FLT1: variants seen among roughly 807,000 people sequenced by gnomAD.
The protein encoded by FLT1 is vascular endothelial growth factor receptor 1.
A neutral mutation model predicts 156.3 loss-of-function variants in FLT1; 49 were observed. The ratio of observed to expected loss-of-function variants is 0.31; its 90% CI spans 0.25 to 0.40. The LOEUF (loss-of-function observed/expected upper bound fraction) is 0.40, where lower values mean the gene tolerates loss of function less well. Among genes scored for constraint, FLT1 ranks in the 10% least tolerant of loss-of-function variants. The pLI is 1.00. For synonymous variants in FLT1, 594 were observed against 583.8 expected, an observed-to-expected ratio of 1.02 and a Z score of -0.25; for missense variants, 1,322 against 1,637.2, an observed-to-expected ratio of 0.81 and a Z score of 3.32.
chr13:28,312,790 A>G lies in FLT1; in HGVS notation c.3387-692T>C, dbSNP rs9554320. On this transcript the variant is annotated intron_variant, in intron 25 of 29. Coordinates refer to ENST00000282397, the MANE Select transcript of FLT1 (RefSeq NM_002019.4). ...TGTGTGTAGCTGATCATTCTCCCCCAGCACTGCAAAGCCGCTGTTACAAAC... is the reference window on the plus strand; with the variant it reads ...TGTGTGTAGCTGATCATTCTCCCCCGGCACTGCAAAGCCGCTGTTACAAAC... Among the ~76,000 whole-genome samples, 4 of 151,804 alleles carry G rather than the reference A, an allele frequency of 2.6e-5. No homozygotes were observed. The East Asian group carries it at 5.9e-4, about 22-fold the overall frequency.
At chr13:28,315,343 T>C (rs1300316194) in intron 25 of FLT1, among the ~76,000 whole-genome samples, 1 of 152,180 alleles carries the variant, frequency 6.6e-6, no homozygotes, top group Non-Finnish European at 1.5e-5. Flanking sequence ...TCACTTGAGC[T>C]CAGGAGTTCG....
chr13:28,477,484 G>A (rs7337866), intron 1 of FLT1, among the ~76,000 whole-genome samples: 9,222 of 152,286 alleles, frequency 0.061, 897 homozygotes, highest in African/African-American at 0.2. Context: ...TGTCATGAAA[G>A]TTATCTGAGC....
At position 28,303,405 on chromosome 13, in the gene FLT1, T is replaced by C. The variant is rs371128203; in HGVS notation, c.3816-37A>G. ...AAGGAAAGAAATCAAATATTCAAAATTGGTTTTTTAGAAAACAAAGACACT... is the reference window on the plus strand; with the variant it reads ...AAGGAAAGAAATCAAATATTCAAAACTGGTTTTTTAGAAAACAAAGACACT... On this transcript the variant is annotated intron_variant, in intron 29 of 29. Transcript: ENST00000282397. 4 of 1,596,800 alleles carry C rather than the reference T, an allele frequency of 2.5e-6. No individual in the cohort carries two copies. The African/African-American group carries it at 4.0e-5, about 16-fold the overall frequency.
chr13:28,423,263 G>A (rs8002446), intron 10 of FLT1, among the ~76,000 whole-genome samples: 113,130 of 151,976 alleles, frequency 0.74, 42,231 homozygotes, highest in Non-Finnish European at 0.75. Flanking sequence ...CAGGCCACAC[G>A]AACTGGGAGA....
In FLT1 at chr13:28,364,164, A is replaced by G. The variant is rs140989309; in HGVS notation, c.2117-6479T>C. 3.7e-3 allele frequency among the ~76,000 whole-genome samples: 567 copies of G among 152,262 alleles called. 4 individuals are homozygous for G. The highest frequency in any genetic ancestry group is 0.013 in the African/African-American group (546 of 41,568). Reference sequence around the variant, plus strand: ...CTTAATACGTTTCAAGTCTTCCTTCATTGTATGAACAGTCTTTTAAATTTC... The same window carrying G: ...CTTAATACGTTTCAAGTCTTCCTTCGTTGTATGAACAGTCTTTTAAATTTC... On this transcript the variant is annotated intron_variant, in intron 14 of 29. Coordinates refer to ENST00000282397, the MANE Select transcript of FLT1 (RefSeq NM_002019.4).
chr13:28,330,246 T>A (rs1337000647), intron 18 of FLT1, among the ~76,000 whole-genome samples: 1 of 152,238 alleles, frequency 6.6e-6, no homozygotes, highest in Non-Finnish European at 1.5e-5. Flanking sequence ...TTCACAGGGT[T>A]ATCTTGGGTT....
intron 10 of FLT1, among the ~76,000 whole-genome samples, chr13:28,423,212 C>T (rs1438356303): frequency 1.3e-5 from 2 of 152,168 alleles, no homozygotes; most frequent in Non-Finnish European, 2.9e-5. Flanking sequence ...ACCCACAGGG[C>T]AGAACCACTT....
intron 29 of FLT1, among the ~76,000 whole-genome samples, chr13:28,305,242 T>C (rs974957953): frequency 6.6e-6 from 1 of 152,132 alleles, no homozygotes; most frequent in African/African-American, 2.4e-5. Flanking sequence ...GTAATTTCTT[T>C]CCCTTTTTTC....
chr13:28,307,960 G>A (rs906474575), intron 28 of FLT1, among the ~76,000 whole-genome samples: 1 of 152,168 alleles, frequency 6.6e-6, no homozygotes, highest in Non-Finnish European at 1.5e-5. Context: ...TTTTAGTAGA[G>A]ACTGGGTTTC....
chr13:28,319,629 G>GT, intron 23 of FLT1, 95 bp from the exon 24 acceptor site: 1 of 737,244 alleles, frequency 1.4e-6, no homozygotes, highest in South Asian at 1.5e-5. Flanking sequence ...ATAACATACG[G>GT]CCTATAAATC....
chr13:28,303,500 C>G (rs1430042356), intron 29 of FLT1, 132 bp from the exon 30 acceptor site: 3 of 785,656 alleles, frequency 3.8e-6, no homozygotes, highest in African/African-American at 3.4e-5. Context: ...GAACCCCCCC[C>G]CCCTCAATTG....
intron 3 of FLT1, among the ~76,000 whole-genome samples, chr13:28,447,462 C>T (rs1477076229): frequency 1.3e-5 from 2 of 152,020 alleles, no homozygotes; most frequent in East Asian, 3.9e-4. Context: ...GCTGGGATTG[C>T]AGGCATGAGC....
intron 28 of FLT1, among the ~76,000 whole-genome samples, chr13:28,307,204 C>T (rs747849370): frequency 3.2e-4 from 48 of 152,202 alleles, no homozygotes; most frequent in Middle Eastern, 3.4e-3. Flanking sequence ...TTCTTGAACT[C>T]AATGGAATTC....
rs1473091385 is a variant in FLT1 at position 28,302,859 on chromosome 13, T to C, written c.*308A>G. ...GATCAGTGCAGCTCCTCAATCAAACTGGTCCTGCGTGCCCTGAGGTGGCGG... is the reference window on the plus strand; with the variant it reads ...GATCAGTGCAGCTCCTCAATCAAACCGGTCCTGCGTGCCCTGAGGTGGCGG... On this transcript the variant is annotated 3_prime_UTR_variant, in exon 30 of 30. Transcript: ENST00000282397. 8 of 444,814 alleles carry C rather than the reference T, an allele frequency of 1.8e-5. No individual in the cohort carries two copies. In the East Asian group the frequency reaches 2.8e-4, roughly 15 times the overall value. The allele number at this position is 444,814 out of a possible 1,614,324, so 27.6% of individuals were successfully genotyped here.
chr13:28,431,790 C>T lies in FLT1; in HGVS notation c.814-480G>A, dbSNP rs1421708149. On this transcript the variant is annotated intron_variant, in intron 6 of 29. Coordinates refer to ENST00000282397, the MANE Select transcript of FLT1 (RefSeq NM_002019.4). ...ATCATAAGCCTTAGTTAGTGTCTGGCTTAATGACAGTGCTTCTCTCACCAA... is the reference window on the plus strand; with the variant it reads ...ATCATAAGCCTTAGTTAGTGTCTGGTTTAATGACAGTGCTTCTCTCACCAA... Among the ~76,000 whole-genome samples, 7 of 152,160 alleles carry T rather than the reference C, an allele frequency of 4.6e-5. No homozygotes were observed. In the South Asian group the frequency reaches 1.0e-3, roughly 23 times the overall value.
At chr13:28,384,598 C>A (rs1874243586) in intron 14 of FLT1, among the ~76,000 whole-genome samples, 1 of 152,156 alleles carries the variant, frequency 6.6e-6, no homozygotes, top group Non-Finnish European at 1.5e-5. Context: ...TGAACTGAAT[C>A]ATTTTCTACA....
chr13:28,425,700 T>A (rs910795454), intron 10 of FLT1, among the ~76,000 whole-genome samples: 3 of 152,212 alleles, frequency 2.0e-5, no homozygotes, highest in Non-Finnish European at 4.4e-5. Flanking sequence ...TCTACACTTT[T>A]ATCCGAATCT....
intron 1 of FLT1, among the ~76,000 whole-genome samples, chr13:28,487,269 CT>C (rs1390534746): frequency 1.3e-5 from 2 of 152,244 alleles, no homozygotes; most frequent in Admixed American, 6.5e-5. Context: ...GAGGCAAAGG[CT>C]TTCATAGACA....
intron 14 of FLT1, among the ~76,000 whole-genome samples, chr13:28,378,110 G>A (rs533802436): frequency 2.0e-5 from 3 of 149,998 alleles, no homozygotes; most frequent in East Asian, 3.9e-4. Flanking sequence ...GTGCAGTGGC[G>A]TGATCTCGGC....
Sources: allele counts gnomAD v4.1 joint callset (sites outside exome capture counted in the v4.1 genomes callset), GRCh38; gene constraint gnomAD v4.1.1; transcripts MANE v1.5; gene names NCBI Gene and HGNC (gene_info 2026-07-23, HGNC 2026-07-21).